Variants in TNRC6B observed in about 807,000 individuals in gnomAD.
The protein encoded by TNRC6B is trinucleotide repeat-containing gene 6B protein.
A neutral mutation model predicts 203.6 loss-of-function variants in TNRC6B; 52 were observed. That is an observed-to-expected ratio of 0.26 (90% CI 0.20 to 0.32). The LOEUF (loss-of-function observed/expected upper bound fraction) is 0.32, where lower values mean the gene tolerates loss of function less well. Ranked by LOEUF, TNRC6B falls within the 10% of genes least tolerant of loss-of-function variation. The pLI, the probability that TNRC6B is intolerant of heterozygous loss-of-function variation, is 1.00. For synonymous variants in TNRC6B, 838 were observed against 845.7 expected, an observed-to-expected ratio of 0.99 and a Z score of 0.16; for missense variants, 1,923 against 2,286.2, an observed-to-expected ratio of 0.84 and a Z score of 3.24.
At chr22:40,194,794 C>G (rs2069315764) in intron 1 of TNRC6B, among the ~76,000 whole-genome samples, 1 of 152,182 alleles carries the variant, frequency 6.6e-6, no homozygotes, top group South Asian at 2.1e-4. Flanking sequence ...TGGCTGGTCC[C>G]TCCACCAGCT....
At chr22:40,232,970 A>G (rs1285477650) in intron 1 of TNRC6B, among the ~76,000 whole-genome samples, 1 of 151,666 alleles carries the variant, frequency 6.6e-6, no homozygotes, top group Admixed American at 6.6e-5. Context: ...GCCAATGGTG[A>G]AACCCTGTCT....
At chr22:40,078,021 G>A (rs1205911676) in intron 1 of TNRC6B, among the ~76,000 whole-genome samples, 2 of 152,190 alleles carry the variant, frequency 1.3e-5, no homozygotes, top group African/African-American at 4.8e-5. Flanking sequence ...ACCTATGTGT[G>A]CACACATCCA....
chr22:40,048,436 G>T (rs2067712513), intron 1 of TNRC6B, among the ~76,000 whole-genome samples: 1 of 151,844 alleles, frequency 6.6e-6, no homozygotes. Flanking sequence ...AGTTACTCGG[G>T]AGCCTGACGC....
intron 12 of TNRC6B, among the ~76,000 whole-genome samples, chr22:40,286,417 G>C (rs896788394): frequency 6.6e-6 from 1 of 152,140 alleles, no homozygotes; most frequent in Non-Finnish European, 1.5e-5. Context: ...TGAGACAGTA[G>C]AATCGCTTGT....
chr22:40,118,439 A>G (rs1213600127), intron 2 of TNRC6B, among the ~76,000 whole-genome samples: 1 of 152,212 alleles, frequency 6.6e-6, no homozygotes, highest in Non-Finnish European at 1.5e-5. Context: ...CCAAGACCAC[A>G]CAGCTAATAA....
chr22:40,238,376 TGTGTTCACC>T (rs1468325306), intron 1 of TNRC6B, among the ~76,000 whole-genome samples: 14 of 152,168 alleles, frequency 9.2e-5, no homozygotes, highest in Non-Finnish European at 1.8e-4. Flanking sequence ...TTTAGGTGCT[TGTGTTCACC>T]AGTCGCAATT....
intron 3 of TNRC6B, among the ~76,000 whole-genome samples, chr22:40,146,801 A>G (rs2068699368): frequency 6.6e-6 from 1 of 152,096 alleles, no homozygotes; most frequent in East Asian, 1.9e-4. Flanking sequence ...CTGACCTCAC[A>G]TAATCCACCT....
At chr22:40,256,595 G>C (rs531719396) in intron 3 of TNRC6B, among the ~76,000 whole-genome samples, 27 of 152,280 alleles carry the variant, frequency 1.8e-4, no homozygotes, top group African/African-American at 5.5e-4. Context: ...AGTTTTATGG[G>C]AGCACAGCCA....
chr22:40,247,681 C>T (rs1333203457), intron 2 of TNRC6B, among the ~76,000 whole-genome samples: 1 of 152,218 alleles, frequency 6.6e-6, no homozygotes, highest in Non-Finnish European at 1.5e-5. Context: ...TTCTCCATCA[C>T]ATCTTCATGC....
At chr22:40,203,549 A>T (rs1292969938) in intron 1 of TNRC6B, among the ~76,000 whole-genome samples, 4 of 152,242 alleles carry the variant, frequency 2.6e-5, no homozygotes, top group East Asian at 1.9e-4. Context: ...AAAACAGCCT[A>T]AAAAACTCTT....
chr22:40,270,838 A>G (rs973187451), intron 6 of TNRC6B, among the ~76,000 whole-genome samples: 1 of 152,234 alleles, frequency 6.6e-6, no homozygotes, highest in Non-Finnish European at 1.5e-5. Context: ...GTATCTGGAC[A>G]GAATTATAAT....
chr22:40,190,307 G>A (rs2069255088), intron 1 of TNRC6B, among the ~76,000 whole-genome samples: 1 of 152,146 alleles, frequency 6.6e-6, no homozygotes, highest in Non-Finnish European at 1.5e-5. Context: ...ACTCCATTAG[G>A]TGCTGAGCAG....
At chr22:40,221,726 A>G (rs2069710549) in intron 1 of TNRC6B, among the ~76,000 whole-genome samples, 1 of 146,316 alleles carries the variant, frequency 6.8e-6, no homozygotes, top group African/African-American at 2.5e-5. Context: ...GGTGTGAGCC[A>G]CCACACCTGG....
At chr22:40,254,987 C>T (rs1199691112) in intron 3 of TNRC6B, among the ~76,000 whole-genome samples, 1 of 152,186 alleles carries the variant, frequency 6.6e-6, no homozygotes, top group Non-Finnish European at 1.5e-5. Flanking sequence ...CAGAGAGCAA[C>T]CTCCATGGAC....
At chr22:40,134,323 A>G (rs1204376635) in intron 3 of TNRC6B, among the ~76,000 whole-genome samples, 2 of 152,172 alleles carry the variant, frequency 1.3e-5, no homozygotes, top group Admixed American at 6.5e-5. Context: ...CCTAAAACCC[A>G]TTATCCCAGT....
chr22:40,122,810 T>C (rs944714195), intron 2 of TNRC6B, among the ~76,000 whole-genome samples: 1 of 152,224 alleles, frequency 6.6e-6, no homozygotes, highest in African/African-American at 2.4e-5. Flanking sequence ...GTACCTATTA[T>C]GTATCAAGTG....
At position 40,280,763 on chromosome 22, in the gene TNRC6B, G is replaced by A. The variant is rs1396879553; in HGVS notation, c.3412-356G>A. On this transcript the variant is annotated intron_variant, in intron 10 of 22. Coordinates refer to ENST00000454349, the MANE Select transcript of TNRC6B (RefSeq NM_001162501.2). ...GCACGTTTTGACACTGTTGTTGCTG[G>A]TCCAGACAGCAACATATTCACAAGA... Among the ~76,000 whole-genome samples, 5 of 152,136 alleles carry A rather than the reference G, an allele frequency of 3.3e-5. No homozygotes were observed. In the East Asian group the frequency reaches 9.6e-4, roughly 29 times the overall value.
At chr22:40,306,433 A>T (rs2071088469) in intron 15 of TNRC6B, among the ~76,000 whole-genome samples, 1 of 152,220 alleles carries the variant, frequency 6.6e-6, no homozygotes, top group African/African-American at 2.4e-5. Context: ...AATCTTTGCC[A>T]GAATCCTAGG....
intron 15 of TNRC6B, among the ~76,000 whole-genome samples, chr22:40,308,258 A>C (rs1171630636): frequency 6.6e-6 from 1 of 152,220 alleles, no homozygotes; most frequent in African/African-American, 2.4e-5. Context: ...TAAATGAAAA[A>C]GGGCGTGCAG....
Sources: gnomAD v4.1 joint callset for allele counts (sites outside exome capture counted in the v4.1 genomes callset) on GRCh38, gnomAD v4.1.1 for gene constraint, MANE v1.5 for transcripts, NCBI Gene and HGNC (gene_info 2026-07-23, HGNC 2026-07-21) for gene names.